The following REPS1 variants were observed in gnomAD, a reference collection of about 807,000 sequenced individuals.
The protein encoded by REPS1 is ralBP1-associated Eps domain-containing protein 1.
A neutral mutation model predicts 100.9 loss-of-function variants in REPS1; 39 were observed. That is an observed-to-expected ratio of 0.39 (90% CI 0.30 to 0.50). REPS1 has a LOEUF of 0.50. REPS1 is among the 20% of genes least tolerant of loss of function. REPS1 has a pLI of 0.86. For missense variants in REPS1, 821 were observed against 968.5 expected (o/e 0.85, Z 2.02); for synonymous variants, 324 against 340.3 (o/e 0.95, Z 0.53).
chr6:138,912,631 A>G (rs1780084209), intron 16 of REPS1, 134 bp downstream of exon 16: 2 of 836,518 alleles, frequency 2.4e-6, no homozygotes, highest in African/African-American at 1.7e-5. Context: ...TTGGAGGCCA[A>G]TAAAAAAGAT....
intron 7 of REPS1, among the ~76,000 whole-genome samples, chr6:138,942,446 TTTTA>T (rs1562538947): frequency 6.6e-6 from 1 of 152,128 alleles, no homozygotes; most frequent in Non-Finnish European, 1.5e-5. Flanking sequence ...GATAATCGTT[TTTTA>T]TTTATTTTTG....
chr6:138,956,540 G>A (rs1293080064), intron 1 of REPS1, among the ~76,000 whole-genome samples: 1 of 150,616 alleles, frequency 6.6e-6, no homozygotes, highest in Admixed American at 6.6e-5. Context: ...AGGACAGCTG[G>A]TATAGACTTT....
intron 8 of REPS1, among the ~76,000 whole-genome samples, chr6:138,933,518 T>C (rs1209937178): frequency 6.6e-6 from 1 of 151,436 alleles, no homozygotes; most frequent in Non-Finnish European, 1.5e-5. Flanking sequence ...AAATGAGCAG[T>C]AGGCTGGATC....
rs1307598297 is a variant in REPS1, at chr6:138,912,754, C to T, written c.1971+11G>A. 2 of 1,614,074 alleles carry T rather than the reference C, an allele frequency of 1.2e-6. No homozygotes were observed. Among genetic ancestry groups the T allele is most frequent in the Non-Finnish European group, 1.7e-6 (2 of 1,179,952 alleles). On this transcript the variant is annotated intron_variant, in intron 16 of 19. Transcript: ENST00000450536. ...GCCTGCAGAAAATTAGCCAAGCCCT[C>T]GAAAACTGACCGGCAGGACTTCTGG...
intron 15 of REPS1, 124 bp downstream of exon 15, chr6:138,914,572 TA>T: frequency 2.7e-6 from 2 of 751,188 alleles, no homozygotes; most frequent in Non-Finnish European, 4.7e-6. Flanking sequence ...CTCACTGAAT[TA>T]AATGCTCATT....
chr6:138,905,580 C>T (rs1057384179), intron 19 of REPS1, among the ~76,000 whole-genome samples: 4 of 151,982 alleles, frequency 2.6e-5, no homozygotes, highest in Non-Finnish European at 5.9e-5. Context: ...CGTGAGCCAC[C>T]GCGCCCGGCT....
intron 1 of REPS1, among the ~76,000 whole-genome samples, chr6:138,976,335 A>G (rs1000025580): frequency 2.0e-5 from 3 of 152,168 alleles, no homozygotes; most frequent in Non-Finnish European, 4.4e-5. Context: ...ACATGCTATT[A>G]TAATTGTGAG....
Position 138,904,332 on chromosome 6 carries a change from T to C in REPS1, c.*732A>G, listed in dbSNP as rs966056906. On this transcript the variant is annotated 3_prime_UTR_variant, in exon 20 of 20. Coordinates refer to ENST00000450536, the MANE Select transcript of REPS1 (RefSeq NM_001286611.2). Reference sequence around the variant, plus strand: ...CCCTTTATTCTGGGAATAACTGATATCCTCAGAAGTTTTAAAACAATACTT... The same window carrying C: ...CCCTTTATTCTGGGAATAACTGATACCCTCAGAAGTTTTAAAACAATACTT... The C allele has an allele frequency of 5.3e-5, 8 of 152,166 alleles. No individual in the cohort carries two copies. Among genetic ancestry groups the C allele is most frequent in the Non-Finnish European group, 1.0e-4 (7 of 68,022 alleles). 9.4% of individuals were successfully genotyped at this position (152,166 alleles called of 1,614,324 possible). A position where few individuals can be genotyped will look rare whatever the true frequency, so the allele number is the denominator to read the frequency against.
chr6:138,915,452 ATTT>A (rs5880407), intron 14 of REPS1, among the ~76,000 whole-genome samples: 17 of 134,580 alleles, frequency 1.3e-4, no homozygotes, highest in Admixed American at 3.0e-4. Flanking sequence ...CCTTCAGATA[ATTT>A]TTTTTTTTTT....
At chr6:138,959,531 G>A (rs1783606605) in intron 1 of REPS1, among the ~76,000 whole-genome samples, 1 of 152,162 alleles carries the variant, frequency 6.6e-6, no homozygotes, top group South Asian at 2.1e-4. Flanking sequence ...GGTTAAAAAT[G>A]AGAAGTTTAT....
In REPS1 at chr6:138,915,942, G is replaced by C; in HGVS notation, c.1636C>G (p.Pro546Ala). 6.2e-7 allele frequency: 1 copy of C among 1,613,978 alleles called. No individual in the cohort carries two copies. The highest frequency in any genetic ancestry group is 1.7e-5 in the Admixed American group (1 of 60,010). Residue 546 changes from proline to alanine, a missense_variant, in exon 14 of 20, where the codon CCA becomes GCA. Physicochemically the swap from Pro to Ala is conservative, Grantham distance 27 (BLOSUM62 -1). Transcript: ENST00000450536. ...HSGTSPDNTA[P>A]PPPPPRPQPS... is the part of the protein sequence containing the mutation. Reference sequence around the variant, plus strand: ...TGTGGCCTTGGAGGGGGAGGTGGTGGTGCAGTGTTATCAGGCGACGTTCCT... The same window carrying C: ...TGTGGCCTTGGAGGGGGAGGTGGTGCTGCAGTGTTATCAGGCGACGTTCCT...
rs182836615 is a variant in REPS1 at position 138,949,337 on chromosome 6, T to C, written c.154-1424A>G. ...TTTAATTGGTATTTATTAAAAGTTT[T>C]ATATTTGTTAGCCATTTGCATTTCT... On this transcript the variant is annotated intron_variant, in intron 1 of 19. Coordinates refer to ENST00000450536, the MANE Select transcript of REPS1 (RefSeq NM_001286611.2). Among the ~76,000 whole-genome samples the C allele has an allele frequency of 2.6e-5, 4 of 152,320 alleles. No homozygotes were observed. In the East Asian group the frequency reaches 7.7e-4, roughly 29 times the overall value.
chr6:138,987,765 G>C lies in REPS1; in HGVS notation c.-83C>G. 7.2e-7 allele frequency: 1 copy of C among 1,390,488 alleles called. No individual in the cohort carries two copies. Among genetic ancestry groups the C allele is most frequent in the South Asian group, 1.6e-5 (1 of 62,214 alleles). The allele number at this position is 1,390,488 out of a possible 1,614,324, so 86.1% of individuals were successfully genotyped here. A position where few individuals can be genotyped will look rare whatever the true frequency, so the allele number is the denominator to read the frequency against. On this transcript the variant is annotated 5_prime_UTR_variant, in exon 1 of 20. Coordinates refer to ENST00000450536, the MANE Select transcript of REPS1 (RefSeq NM_001286611.2). ...AGGAACCTGGGCCGGCAGGGGCTGC[G>C]CGTGGCCCGGCCTCCTGCTAGCTTC...
At chr6:138,979,198 C>CAAAAAAAAAAAAAAAAAAAAAAAAA (rs1277794755) in intron 1 of REPS1, among the ~76,000 whole-genome samples, 3 of 91,796 alleles carry the variant, frequency 3.3e-5, no homozygotes, top group Non-Finnish European at 6.0e-5. Flanking sequence ...AAAAAAAAAA[C>CAAAAAAAAAAAAAAAAAAAAAAAAA]AAAAAAAAAA....
In REPS1 at chr6:138,915,972, G is replaced by A. The variant is rs992441008; in HGVS notation, c.1606C>T (p.His536Tyr). Residue 536 changes from histidine (H) to tyrosine (Y), a missense_variant, in exon 14 of 20, where the codon CAT becomes TAT. Around this residue, in one of 3 missense-constraint regions of REPS1, gnomAD observed 757 missense variants for 866.4 expected, o/e 0.87. Transcript: ENST00000450536. ...IGSNVTRQRS[H>Y]SGTSPDNTAP... Reference sequence around the variant, plus strand: ...GTGTTATCAGGCGACGTTCCTGAATGAGACCTGCAAAATTCACCCCATGAT... The same window carrying A: ...GTGTTATCAGGCGACGTTCCTGAATAAGACCTGCAAAATTCACCCCATGAT... 2 of 1,610,210 alleles carry A rather than the reference G, an allele frequency of 1.2e-6. No homozygotes were observed. The highest frequency in any genetic ancestry group is 1.7e-6 in the Non-Finnish European group (2 of 1,176,628).
chr6:138,962,383 G>C (rs1351977087), intron 1 of REPS1, among the ~76,000 whole-genome samples: 1 of 151,466 alleles, frequency 6.6e-6, no homozygotes. Context: ...TTATTCTAAG[G>C]CCATCAATGA....
At chr6:138,985,799 C>T (rs1384533139) in intron 1 of REPS1, among the ~76,000 whole-genome samples, 2 of 152,164 alleles carry the variant, frequency 1.3e-5, no homozygotes, top group Admixed American at 1.3e-4. Flanking sequence ...TTCATTAATG[C>T]TAATGTGTCT....
chr6:138,986,056 G>A (rs887987041), intron 1 of REPS1, among the ~76,000 whole-genome samples: 4 of 152,192 alleles, frequency 2.6e-5, no homozygotes, highest in African/African-American at 7.2e-5. Flanking sequence ...TGTAACAGGA[G>A]AGTACCATAG....
In REPS1 at chr6:138,945,871, G is replaced by A. The variant is rs376300531; in HGVS notation, c.278-174C>T. 5.4e-4 allele frequency among the ~76,000 whole-genome samples: 82 copies of A among 152,176 alleles called. 1 individual carries two copies. The highest frequency in any genetic ancestry group is 6.2e-4 in the Non-Finnish European group (42 of 67,992). On this transcript the variant is annotated intron_variant, in intron 2 of 19. Transcript: ENST00000450536. ...CCACCATCTCCCTTACATTATTTAG[G>A]GAGACTCTTATCTAGAAAGAAGTAA...
Sources: allele counts gnomAD v4.1 joint callset (sites outside exome capture counted in the v4.1 genomes callset), GRCh38; gene constraint gnomAD v4.1.1; regional missense constraint gnomAD v4.1.1; transcripts MANE v1.5; gene names NCBI Gene and HGNC (gene_info 2026-07-23, HGNC 2026-07-21).